EXTL2: variants seen among roughly 807,000 people sequenced by gnomAD.
EXTL2 encodes the protein exostosin-like 2.
Under a neutral mutation model 30.7 loss-of-function variants are expected in EXTL2, and 23 were observed. The ratio of observed to expected loss-of-function variants is 0.75; its 90% CI spans 0.54 to 1.06. The LOEUF is 1.06. Among genes scored for constraint, EXTL2 ranks in the 50% least tolerant of loss-of-function variants. The probability of loss-of-function intolerance (pLI) is 0.00; values close to 1 mark genes in which losing one functional copy is unlikely to be tolerated. For missense variants in EXTL2, 352 were observed against 396.3 expected (o/e 0.89, Z 0.95); for synonymous variants, 123 against 133.8 (o/e 0.92, Z 0.56).
At chr1:100,892,908 T>G (rs1650547750) in intron 1 of EXTL2, among the ~76,000 whole-genome samples, 1 of 152,180 alleles carries the variant, frequency 6.6e-6, no homozygotes, top group African/African-American at 2.4e-5. Context: ...AATGCCAGGG[T>G]TGATTACTGA....
intron 1 of EXTL2, among the ~76,000 whole-genome samples, chr1:100,893,196 G>T (rs146246659): frequency 2.6e-4 from 39 of 152,290 alleles, no homozygotes; most frequent in African/African-American, 8.9e-4. Flanking sequence ...TGTATTTTAT[G>T]ATCTTATAAA....
At chr1:100,894,378 G>C (rs1050501020) in intron 1 of EXTL2, among the ~76,000 whole-genome samples, 1 of 152,074 alleles carries the variant, frequency 6.6e-6, no homozygotes, top group Non-Finnish European at 1.5e-5. Context: ...TAAATTAAAA[G>C]AATGAAATAT....
At position 100,874,275 on chromosome 1, in the gene EXTL2, G is replaced by T. The variant is rs199672282; in HGVS notation, c.660C>A (p.Ser220Arg). The change falls in exon 5 of 5, where the codon AGC (serine) becomes AGA (arginine). Residue 220 changes from serine to arginine, a missense_variant. Transcript: ENST00000370114. ...MVLIGASFFNSKYLELFQRQP... is the reference protein window; with the variant it reads ...MVLIGASFFNRKYLELFQRQP... ...GCCTCTGAAATAATTCAAGATATTT[G>T]CTATTGAAGAATGAGGCTCCAATCA... 37 of 1,612,836 alleles carry T rather than the reference G, an allele frequency of 2.3e-5. No individual in the cohort carries two copies. In the African/African-American group the frequency reaches 4.0e-4, roughly 17 times the overall value.
intron 1 of EXTL2, among the ~76,000 whole-genome samples, chr1:100,892,168 A>G (rs1326990737): frequency 2.6e-5 from 4 of 152,216 alleles, no homozygotes; most frequent in Non-Finnish European, 5.9e-5. Flanking sequence ...TGTTGCCAGC[A>G]GAGATTAACA....
At position 100,874,057 on chromosome 1, in the gene EXTL2, C is replaced by G; in HGVS notation, c.878G>C (p.Arg293Thr). 1.2e-6 allele frequency: 2 copies of G among 1,613,034 alleles called. No homozygotes were observed. The highest frequency in any genetic ancestry group is 1.7e-6 in the Non-Finnish European group (2 of 1,179,440). The change falls in exon 5 of 5, where the codon AGG (arginine) becomes ACG (threonine). Residue 293 changes from arginine to threonine, a missense_variant. Arg to Thr is a moderately conservative substitution (Grantham distance 71, BLOSUM62 -1). Transcript: ENST00000370114. ...MWHRAEHALQ[R>T]SYCINKLVNI... is the part of the protein sequence containing the mutation. Reference sequence around the variant, plus strand: ...AACAAGCTTATTTATACAATAAGACCTCTGCAGAGCGTGCTCAGCTCGATG... The same window carrying G: ...AACAAGCTTATTTATACAATAAGACGTCTGCAGAGCGTGCTCAGCTCGATG...
chr1:100,883,969 A>C (rs754735635), intron 2 of EXTL2, among the ~76,000 whole-genome samples: 2 of 152,188 alleles, frequency 1.3e-5, no homozygotes, highest in Non-Finnish European at 2.9e-5. Flanking sequence ...TTGAATTTCC[A>C]AAGATCTGCT....
At chr1:100,891,249 C>T (rs532599453) in intron 1 of EXTL2, among the ~76,000 whole-genome samples, 1 of 152,190 alleles carries the variant, frequency 6.6e-6, no homozygotes, top group African/African-American at 2.4e-5. Context: ...GATTAGTATG[C>T]TTCTGGTTGT....
At chr1:100,874,615 A>G (rs1286083434) in intron 4 of EXTL2, among the ~76,000 whole-genome samples, 185 bp from the exon 5 acceptor site, 1 of 152,078 alleles carries the variant, frequency 6.6e-6, no homozygotes, top group Non-Finnish European at 1.5e-5. Context: ...ATATGTTTAC[A>G]GGTCAAATGG....
chr1:100,878,482 G>A (rs771375829), intron 2 of EXTL2: 4 of 470,528 alleles, frequency 8.5e-6, no homozygotes, highest in Admixed American at 4.7e-5. Flanking sequence ...TACAAAAGGT[G>A]TCTGCTGTTA....
intron 2 of EXTL2, among the ~76,000 whole-genome samples, chr1:100,882,799 G>T (rs1234152529): frequency 6.6e-6 from 1 of 152,142 alleles, no homozygotes; most frequent in Non-Finnish European, 1.5e-5. Flanking sequence ...ACTCCTGCCT[G>T]GGGAACAGAG....
intron 1 of EXTL2, among the ~76,000 whole-genome samples, chr1:100,894,250 G>A (rs2100985403): frequency 6.6e-6 from 1 of 151,984 alleles, no homozygotes; most frequent in African/African-American, 2.4e-5. Flanking sequence ...TATCTAGTTT[G>A]CACCCAATTA....
At position 100,873,754 on chromosome 1, in the gene EXTL2, G is replaced by C. The variant is rs1413531455; in HGVS notation, c.*188C>G. 1.8e-6 allele frequency: 1 copy of C among 558,934 alleles called. No homozygotes were observed. Among genetic ancestry groups the C allele is most frequent in the African/African-American group, 1.9e-5 (1 of 51,810 alleles). The allele number at this position is 558,934 out of a possible 1,614,324, so 34.6% of individuals were successfully genotyped here. ...AACTCTTCATAAGAAGACCTAACTG[G>C]ATAAGACCAACTTCTTGGCTTTCAA... On this transcript the variant is annotated 3_prime_UTR_variant, in exon 5 of 5. Transcript: ENST00000370114.
Position 100,877,820 on chromosome 1 carries a change from A to G in EXTL2, c.89T>C (p.Leu30Ser), listed in dbSNP as rs749164957. Residue 30 changes from leucine to serine, a missense_variant, in exon 3 of 5, where the codon TTA becomes TCA. Transcript: ENST00000370114. The surrounding 1 kb of genome is among the most constrained non-coding windows in gnomAD (Gnocchi z 4.1). Reference protein sequence around the residue: ...RLSLVVILVLLLVAGALTALL... With the variant: ...RLSLVVILVLSLVAGALTALL... ...GGCAGTCAAAGCACCAGCTACCAGT[A>G]ATAATACGAGGATGACCACCAAAGA... The G allele has an allele frequency of 6.9e-6, 11 of 1,605,126 alleles. No individual in the cohort carries two copies. Among genetic ancestry groups the G allele is most frequent in the Non-Finnish European group, 8.5e-6 (10 of 1,179,530 alleles).
At chr1:100,887,567 A>G (rs1003171449) in intron 2 of EXTL2, among the ~76,000 whole-genome samples, 1 of 152,212 alleles carries the variant, frequency 6.6e-6, no homozygotes, top group Non-Finnish European at 1.5e-5. Flanking sequence ...AAAGGAAATA[A>G]AGTGTATCCA....
At chr1:100,883,538 G>A (rs968841135) in intron 2 of EXTL2, among the ~76,000 whole-genome samples, 1 of 152,038 alleles carries the variant, frequency 6.6e-6, no homozygotes, top group Non-Finnish European at 1.5e-5. Flanking sequence ...TAATGTTTTT[G>A]AGGTTCATCC....
intron 2 of EXTL2, chr1:100,878,252 GA>G: frequency 3.7e-6 from 1 of 267,996 alleles, no homozygotes; most frequent in Non-Finnish European, 7.5e-6. Flanking sequence ...TATTAATTTC[GA>G]ATCTACACTT....
rs749372270 is a variant in EXTL2 at position 100,888,754 on chromosome 1, T to G, written c.4A>C (p.Arg2=). The G allele has an allele frequency of 1.4e-5, 22 of 1,548,760 alleles. No homozygotes were observed. In the East Asian group the frequency reaches 4.7e-4, roughly 33 times the overall value. ...AAGCCAAAAAATATTGGTACTTACC[T>G]CATTGTGTTGAAGTTTAATTTTTAA... M[R]CCHICKLPGR... is the part of the protein sequence containing the mutation. Residue 2 remains arginine (R), a splice_region_variant and synonymous_variant, in exon 2 of 5, where the codon AGG becomes CGG. Transcript: ENST00000370114.
intron 1 of EXTL2, among the ~76,000 whole-genome samples, chr1:100,892,125 T>C (rs1338296005): frequency 2.0e-5 from 3 of 152,136 alleles, no homozygotes; most frequent in Admixed American, 6.5e-5. Flanking sequence ...AGATGCAAAG[T>C]ATTGTTTCTA....
Position 100,877,799 on chromosome 1 carries a change from G to T in EXTL2, c.110C>A (p.Thr37Asn). 6.2e-7 allele frequency: 1 copy of T among 1,609,468 alleles called. No homozygotes were observed. Among genetic ancestry groups the T allele is most frequent in the South Asian group, 1.1e-5 (1 of 91,074 alleles). The change falls in exon 3 of 5, where the codon ACT becomes AAT. Residue 37 changes from threonine (T) to asparagine (N), a missense_variant. Transcript: ENST00000370114. This position sits in a 1 kb window ranked among gnomAD's most constrained non-coding sequence, Gnocchi z 4.1. The part of the protein sequence containing the change: ...LVLLLVAGAL[T>N]ALLPSVKEDK... Reference sequence around the variant, plus strand: ...TTCTTTAACACTGGGAAGTAAGGCAGTCAAAGCACCAGCTACCAGTAATAA... The same window carrying T: ...TTCTTTAACACTGGGAAGTAAGGCATTCAAAGCACCAGCTACCAGTAATAA...
Sources: gnomAD v4.1 joint callset for allele counts (sites outside exome capture counted in the v4.1 genomes callset) on GRCh38, gnomAD v4.1.1 for gene constraint, Gnocchi (gnomAD v3.1) non-coding constraint, MANE v1.5 for transcripts, NCBI Gene and HGNC (gene_info 2026-07-23, HGNC 2026-07-21) for gene names.